Variants in RAP1GAP2 observed in about 807,000 individuals in gnomAD.
The protein encoded by RAP1GAP2 is RAP1 GTPase activating protein 2, also known as rap1 GTPase-activating protein 2.
Under a neutral mutation model 95.0 loss-of-function variants are expected in RAP1GAP2, and 27 were observed. That is an observed-to-expected ratio of 0.28 (90% CI 0.21 to 0.39). The LOEUF is 0.39. Ranked by LOEUF, RAP1GAP2 falls within the 10% of genes least tolerant of loss-of-function variation. The pLI is 1.00. For synonymous variants in RAP1GAP2, 373 were observed against 380.9 expected (o/e 0.98, Z 0.24); for missense variants, 771 against 970.0 (o/e 0.79, Z 2.72).
intron 23 of RAP1GAP2, 150 bp from the exon 24 acceptor site, chr17:3,032,261 C>T: frequency 2.4e-6 from 2 of 826,148 alleles, no homozygotes; most frequent in Non-Finnish European, 4.0e-6. Flanking sequence ...ACTCCAGGTC[C>T]AGATGTGAGG....
At chr17:2,961,142 G>A (rs745807190) in intron 4 of RAP1GAP2, among the ~76,000 whole-genome samples, 5 of 151,926 alleles carry the variant, frequency 3.3e-5, no homozygotes, top group Middle Eastern at 3.2e-3. Context: ...ACTTGAACGC[G>A]GGAGGTGGAG....
At chr17:3,010,815 G>C (rs1346835412) in intron 17 of RAP1GAP2, among the ~76,000 whole-genome samples, 1 of 152,190 alleles carries the variant, frequency 6.6e-6, no homozygotes, top group Non-Finnish European at 1.5e-5. Flanking sequence ...TCCAGATTCT[G>C]CTCTCACACC....
At chr17:2,939,369 C>A (rs1434597116) in intron 3 of RAP1GAP2, among the ~76,000 whole-genome samples, 5 of 152,262 alleles carry the variant, frequency 3.3e-5, no homozygotes, top group Admixed American at 1.3e-4. Context: ...GGATGACAGG[C>A]GGGAGCCGCC....
intron 2 of RAP1GAP2, among the ~76,000 whole-genome samples, chr17:2,807,010 C>T (rs1433355647): frequency 2.6e-5 from 4 of 151,952 alleles, no homozygotes; most frequent in South Asian, 2.1e-4. Flanking sequence ...ACTCAGGCTT[C>T]CCTCCCCATG....
chr17:2,930,219 T>G (rs2043098100), intron 3 of RAP1GAP2, among the ~76,000 whole-genome samples: 1 of 152,230 alleles, frequency 6.6e-6, no homozygotes, highest in South Asian at 2.1e-4. Flanking sequence ...GGTCTGGACC[T>G]TCCTACAGTG....
chr17:2,793,261 C>T, upstream of RAP1GAP2, among the ~76,000 whole-genome samples: 1 of 151,626 alleles, frequency 6.6e-6, no homozygotes, highest in Non-Finnish European at 1.5e-5. Flanking sequence ...TCAAGCGATT[C>T]TCCTGTCTCA....
At chr17:3,006,277 C>T (rs565504527) in intron 16 of RAP1GAP2, among the ~76,000 whole-genome samples, 23 of 151,560 alleles carry the variant, frequency 1.5e-4, no homozygotes, top group African/African-American at 3.6e-4. Context: ...TACAGGTGTG[C>T]GCCACCACGC....
intron 2 of RAP1GAP2, among the ~76,000 whole-genome samples, chr17:2,820,144 C>T (rs1311676123): frequency 6.6e-6 from 1 of 151,736 alleles, no homozygotes; most frequent in Non-Finnish European, 1.5e-5. Flanking sequence ...TTTTTTGTAT[C>T]CCCCATTGAT....
intron 18 of RAP1GAP2, among the ~76,000 whole-genome samples, 182 bp from the exon 19 acceptor site, chr17:3,020,295 G>A: frequency 6.6e-6 from 1 of 152,252 alleles, no homozygotes; most frequent in East Asian, 1.9e-4. Flanking sequence ...GAAGGAGGCT[G>A]TGACTGGCCT....
intron 2 of RAP1GAP2, among the ~76,000 whole-genome samples, chr17:2,869,879 G>C (rs1455736994): frequency 6.6e-6 from 1 of 152,226 alleles, no homozygotes; most frequent in Non-Finnish European, 1.5e-5. Context: ...ACGTATAGGG[G>C]GTCAGCAAGT....
chr17:2,879,725 CAAA>C (rs397955481), intron 2 of RAP1GAP2, among the ~76,000 whole-genome samples: 1 of 139,548 alleles, frequency 7.2e-6, no homozygotes, highest in Non-Finnish European at 1.5e-5. Context: ...GACTCCATCT[CAAA>C]AAAAAAAAAA....
In RAP1GAP2 at chr17:2,903,684, G is replaced by C. The variant is rs2042098753; in HGVS notation, c.81-1600G>C. The stretch of plus-strand genomic sequence containing the variant: ...CAGGGATTGCCAGGTTCAGGTTAAT[G>C]GGGTGGAATGGATTCTCTGCCAAGC... On this transcript the variant is annotated intron_variant, in intron 2 of 24. Coordinates refer to ENST00000254695, the MANE Select transcript of RAP1GAP2 (RefSeq NM_015085.5). This position sits in a 1 kb window ranked among gnomAD's most constrained non-coding sequence, Gnocchi z 4.1. Among the ~76,000 whole-genome samples, 1 of 152,248 alleles carries C rather than the reference G, an allele frequency of 6.6e-6. No individual in the cohort carries two copies. The highest frequency in any genetic ancestry group is 1.5e-5 in the Non-Finnish European group (1 of 68,030).
chr17:2,851,737 C>T (rs958905171), intron 2 of RAP1GAP2, among the ~76,000 whole-genome samples: 3 of 152,052 alleles, frequency 2.0e-5, no homozygotes, highest in Non-Finnish European at 4.4e-5. Flanking sequence ...ATCCCAATTC[C>T]CTGTTGTAGT....
At position 2,991,223 on chromosome 17, in the gene RAP1GAP2, G is replaced by C. The variant is rs1046207783; in HGVS notation, c.814-74G>C. ...AAGGAAGAAAGGGACCAGGTACCTG[G>C]GCATCCATATTCCTTCCTTTAGCAT... is the stretch of plus-strand genomic sequence containing the variant. On this transcript the variant is annotated intron_variant, in intron 11 of 24. Transcript: ENST00000254695. The C allele has an allele frequency of 3.0e-5, 35 of 1,182,768 alleles. 1 individual carries two copies. In the South Asian group the frequency reaches 4.5e-4, roughly 15 times the overall value. The allele number at this position is 1,182,768 out of a possible 1,614,324, so 73.3% of individuals were successfully genotyped here. A position where few individuals can be genotyped will look rare whatever the true frequency, so the allele number is the denominator to read the frequency against.
intron 3 of RAP1GAP2, among the ~76,000 whole-genome samples, chr17:2,944,310 T>TA (rs1597681138): frequency 1.3e-5 from 2 of 152,188 alleles, no homozygotes; most frequent in East Asian, 3.9e-4. Context: ...CTCAAAAAAT[T>TA]AAAAACATTA....
In RAP1GAP2 at chr17:2,882,119, C is replaced by CTTTTT. The variant is rs1182195871; in HGVS notation, c.81-23150_81-23146dup. Among the ~76,000 whole-genome samples the CTTTTT allele has an allele frequency of 7.3e-3, 956 of 131,702 alleles. 4 individuals carry two copies. Among genetic ancestry groups the CTTTTT allele is most frequent in the Non-Finnish European group, 0.012 (717 of 62,166 alleles). The allele number at this position is 131,702 out of a possible 152,430, so 86.4% of individuals were successfully genotyped here. On this transcript the variant is annotated intron_variant, in intron 2 of 24. Coordinates refer to ENST00000254695, the MANE Select transcript of RAP1GAP2 (RefSeq NM_015085.5). Reference sequence around the variant, plus strand: ...ACAGGCATGAGCCACTGTGCCTGGCCTTTTTTTTTTTTTTTTTTTAATTTT... The same window carrying CTTTTT: ...ACAGGCATGAGCCACTGTGCCTGGCCTTTTTTTTTTTTTTTTTTTTTTTTAATTTT...
Position 3,004,902 on chromosome 17 carries a change from G to A in RAP1GAP2, c.1201-467G>A, listed in dbSNP as rs997344626. Among the ~76,000 whole-genome samples the A allele has an allele frequency of 6.6e-6, 1 of 152,204 alleles. No homozygotes were observed. Among genetic ancestry groups the A allele is most frequent in the Non-Finnish European group, 1.5e-5 (1 of 68,034 alleles). ...GGCTTGGGAAGAGAACCCCAGAGAC[G>A]GGTCGGGAGAGGTCTGGATGCTCTG... On this transcript the variant is annotated intron_variant, in intron 14 of 24. Coordinates refer to ENST00000254695, the MANE Select transcript of RAP1GAP2 (RefSeq NM_015085.5). This position sits in a 1 kb window ranked among gnomAD's most constrained non-coding sequence, Gnocchi z 4.1.
intron 3 of RAP1GAP2, among the ~76,000 whole-genome samples, chr17:2,952,802 T>C (rs1030085653): frequency 6.6e-6 from 1 of 150,844 alleles, no homozygotes. Flanking sequence ...CCTTTGCACA[T>C]TTTTCTGTTT....
At chr17:2,964,157 G>A (rs2044472432) in intron 7 of RAP1GAP2, 89 bp downstream of exon 7, 2 of 1,271,894 alleles carry the variant, frequency 1.6e-6, no homozygotes, top group Non-Finnish European at 2.2e-6. Context: ...AGGGGATGGG[G>A]AGAGGTTGAG....
Sources: gnomAD v4.1 joint callset for allele counts (sites outside exome capture counted in the v4.1 genomes callset) on GRCh38, gnomAD v4.1.1 for gene constraint, Gnocchi (gnomAD v3.1) non-coding constraint, MANE v1.5 for transcripts, NCBI Gene and HGNC (gene_info 2026-07-23, HGNC 2026-07-21) for gene names.